Variants in GJA1 observed in about 807,000 individuals in gnomAD.
GJA1 encodes the protein gap junction protein alpha 1, also known as gap junction alpha-1 protein.
A neutral mutation model predicts 31.0 loss-of-function variants in GJA1; 9 were observed. That is an observed-to-expected ratio of 0.29 (90% CI 0.17 to 0.51). The LOEUF (loss-of-function observed/expected upper bound fraction) is 0.51, where lower values mean the gene tolerates loss of function less well. Ranked by LOEUF, GJA1 falls within the 20% of genes least tolerant of loss-of-function variation. GJA1 has a pLI of 0.98. For synonymous variants in GJA1, 186 were observed against 180.1 expected (o/e 1.03, Z -0.26); for missense variants, 278 against 468.8 (o/e 0.59, Z 3.76).
chr6:121,445,916 A>G (rs987344255), intron 1 of GJA1, among the ~76,000 whole-genome samples: 1 of 152,008 alleles, frequency 6.6e-6, no homozygotes, highest in African/African-American at 2.4e-5. Flanking sequence ...CAACATAGTG[A>G]AATCCTATCT....
At chr6:121,442,857 G>GAC (rs1562172641) in intron 1 of GJA1, among the ~76,000 whole-genome samples, 1 of 152,144 alleles carries the variant, frequency 6.6e-6, no homozygotes, top group East Asian at 1.9e-4. Context: ...ATGGTGCATA[G>GAC]ACGGCAAAAA....
Position 121,448,258 on chromosome 6 carries a change from G to GT in GJA1, c.*264dup. Reference sequence around the variant, plus strand: ...CAAAGAACTTAGATTATAAATAAGAGTTCCATTAGGTGATACATAGATAAG... The same window carrying GT: ...CAAAGAACTTAGATTATAAATAAGAGTTTCCATTAGGTGATACATAGATAAG... On this transcript the variant is annotated 3_prime_UTR_variant, in exon 2 of 2. Coordinates refer to ENST00000282561, the MANE Select transcript of GJA1 (RefSeq NM_000165.5). 1.9e-6 allele frequency: 1 copy of GT among 532,582 alleles called. No individual in the cohort carries two copies. The highest frequency in any genetic ancestry group is 3.5e-6 in the Non-Finnish European group (1 of 286,562). 33.0% of individuals were successfully genotyped at this position (532,582 alleles called of 1,614,324 possible).
In GJA1 at chr6:121,448,246, T is replaced by A. The variant is rs1773923783; in HGVS notation, c.*250T>A. 2 of 559,408 alleles carry A rather than the reference T, an allele frequency of 3.6e-6. No homozygotes were observed. The highest frequency in any genetic ancestry group is 6.2e-5 in the Admixed American group (2 of 32,270). The allele number at this position is 559,408 out of a possible 1,614,324, so 34.7% of individuals were successfully genotyped here. A position where few individuals can be genotyped will look rare whatever the true frequency, so the allele number is the denominator to read the frequency against. The stretch of plus-strand genomic sequence containing the variant: ...AAGTAGTGGATTCAAAGAACTTAGA[T>A]TATAAATAAGAGTTCCATTAGGTGA... On this transcript the variant is annotated 3_prime_UTR_variant, in exon 2 of 2. Transcript: ENST00000282561.
rs150114998 is a variant in GJA1, at chr6:121,436,754, C to G, written c.-17+922C>G. On this transcript the variant is annotated intron_variant, in intron 1 of 1. Transcript: ENST00000282561. The stretch of plus-strand genomic sequence containing the variant: ...GCTTTGGGAGCTCCCCCCGCCAACA[C>G]CCGCCGCCCCGCACCTTCCCTCTGC... Among the ~76,000 whole-genome samples the G allele has an allele frequency of 5.2e-3, 792 of 152,312 alleles. 7 individuals carry two copies. The highest frequency in any genetic ancestry group is 0.018 in the African/African-American group (758 of 41,566).
In GJA1 at chr6:121,447,599, G is replaced by C; in HGVS notation, c.752G>C (p.Ser251Thr). 1 of 1,613,848 alleles carries C rather than the reference G, an allele frequency of 6.2e-7. No homozygotes were observed. Among genetic ancestry groups the C allele is most frequent in the Non-Finnish European group, 8.5e-7 (1 of 1,179,982 alleles). The change falls in exon 2 of 2, where the codon AGT (serine) becomes ACT (threonine). Residue 251 changes from serine to threonine, a missense_variant. Ser to Thr is a moderately conservative substitution (Grantham distance 58, BLOSUM62 1). Transcript: ENST00000282561. ...AAGAGCGACCCTTACCATGCGACCA[G>C]TGGTGCGCTGAGCCCTGCCAAAGAC... ...KGKSDPYHAT[S>T]GALSPAKDCG...
chr6:121,439,195 TAAAGA>T (rs1785170112), intron 1 of GJA1, among the ~76,000 whole-genome samples: 1 of 152,098 alleles, frequency 6.6e-6, no homozygotes, highest in Admixed American at 6.6e-5. Flanking sequence ...GCTGTTTTGC[TAAAGA>T]AAAGATGAAA....
chr6:121,436,460 G>A (rs935837576), intron 1 of GJA1, among the ~76,000 whole-genome samples: 14 of 152,154 alleles, frequency 9.2e-5, no homozygotes, highest in Middle Eastern at 3.2e-3. Context: ...AAATTCAAGA[G>A]TATTAATATT....
In GJA1 at chr6:121,446,901, A is replaced by T; in HGVS notation, c.54A>T (p.Ser18=). 6.2e-7 allele frequency: 1 copy of T among 1,614,004 alleles called. No homozygotes were observed. The highest frequency in any genetic ancestry group is 1.3e-5 in the African/African-American group (1 of 75,054). ...TCCTTGACAAGGTTCAAGCCTACTCAACTGCTGGAGGGAAGGTGTGGCTGT... is the reference window on the plus strand; with the variant it reads ...TCCTTGACAAGGTTCAAGCCTACTCTACTGCTGGAGGGAAGGTGTGGCTGT... ...GKLLDKVQAY[S]TAGGKVWLSV... The change falls in exon 2 of 2, where the codon TCA becomes TCT. Residue 18 remains serine, a synonymous_variant. Coordinates refer to ENST00000282561, the MANE Select transcript of GJA1 (RefSeq NM_000165.5).
At chr6:121,446,631 CAAACA>C (rs575409588) in intron 1 of GJA1, among the ~76,000 whole-genome samples, 196 bp from the exon 2 acceptor site, 85 of 152,306 alleles carry the variant, frequency 5.6e-4, no homozygotes, top group Middle Eastern at 3.4e-3. Flanking sequence ...TTTGTCTCAA[CAAACA>C]AAACAAAACA....
chr6:121,442,028 G>T (rs1229507842), intron 1 of GJA1, among the ~76,000 whole-genome samples: 1 of 152,168 alleles, frequency 6.6e-6, no homozygotes, highest in Non-Finnish European at 1.5e-5. Context: ...TCCATTAAAT[G>T]ATTTTATCGG....
Position 121,447,365 on chromosome 6 carries a change from A to T in GJA1, c.518A>T (p.Gln173Leu). 6.2e-7 allele frequency: 1 copy of T among 1,614,118 alleles called. No individual in the cohort carries two copies. The highest frequency in any genetic ancestry group is 8.5e-7 in the Non-Finnish European group (1 of 1,179,992). Residue 173 changes from glutamine to leucine, a missense_variant, in exon 2 of 2, where the codon CAG (glutamine) becomes CTG (leucine). Coordinates refer to ENST00000282561, the MANE Select transcript of GJA1 (RefSeq NM_000165.5). ...TTTGAGGTGGCCTTCTTGCTGATCC[A>T]GTGGTACATCTATGGATTCAGCTTG... ...SIFEVAFLLI[Q>L]WYIYGFSLSA...
rs1198562586 is a variant in GJA1 at position 121,448,719 on chromosome 6, T to G, written c.*723T>G. 6.0e-6 allele frequency: 1 copy of G among 167,050 alleles called. No individual in the cohort carries two copies. Among genetic ancestry groups the G allele is most frequent in the Admixed American group, 6.5e-5 (1 of 15,294 alleles). 10.3% of individuals were successfully genotyped at this position (167,050 alleles called of 1,614,324 possible). A position where few individuals can be genotyped will look rare whatever the true frequency, so the allele number is the denominator to read the frequency against. ...CTACTACTCACATTCATTTAATGGT[T>G]TCTGTAAACATTTTTAAGACAGTTG... On this transcript the variant is annotated 3_prime_UTR_variant, in exon 2 of 2. Coordinates refer to ENST00000282561, the MANE Select transcript of GJA1 (RefSeq NM_000165.5).
chr6:121,444,445 C>G (rs1161268433), intron 1 of GJA1, among the ~76,000 whole-genome samples: 1 of 152,174 alleles, frequency 6.6e-6, no homozygotes, highest in African/African-American at 2.4e-5. Flanking sequence ...CATAGTTTAG[C>G]TTTATGGCTC....
At chr6:121,445,140 G>A (rs11961755) in intron 1 of GJA1, among the ~76,000 whole-genome samples, 34,340 of 152,094 alleles carry the variant, frequency 0.23, 4,113 homozygotes, top group Non-Finnish European at 0.26. Context: ...GGGGATTCTT[G>A]TTGGTTTCTA....
At chr6:121,443,615 TAAAG>T (rs1205578995) in intron 1 of GJA1, among the ~76,000 whole-genome samples, 1 of 152,212 alleles carries the variant, frequency 6.6e-6, no homozygotes, top group Non-Finnish European at 1.5e-5. Context: ...AGAATGTAAA[TAAAG>T]ACTATACTTT....
intron 1 of GJA1, among the ~76,000 whole-genome samples, chr6:121,444,809 T>C (rs567490090): frequency 3.3e-4 from 50 of 152,346 alleles, no homozygotes; most frequent in African/African-American, 1.2e-3. Flanking sequence ...TTCTAAATCC[T>C]CCAATTACTA....
intron 1 of GJA1, among the ~76,000 whole-genome samples, chr6:121,441,758 T>C (rs17083633): frequency 0.025 from 3,773 of 152,114 alleles, 207 homozygotes; most frequent in East Asian, 0.22. Flanking sequence ...ACTCGGAGTA[T>C]AGGTTGGCAA....
intron 1 of GJA1, among the ~76,000 whole-genome samples, chr6:121,442,640 C>T (rs887902345): frequency 6.6e-6 from 1 of 152,202 alleles, no homozygotes. Flanking sequence ...AAAAACCTTA[C>T]TTCCTAGGCC....
intron 1 of GJA1, among the ~76,000 whole-genome samples, chr6:121,439,355 G>A (rs747413236): frequency 7.2e-5 from 11 of 152,242 alleles, no homozygotes; most frequent in Admixed American, 2.0e-4. Context: ...CAATACACTT[G>A]TGAGGGCCCT....
Sources: allele counts gnomAD v4.1 joint callset (sites outside exome capture counted in the v4.1 genomes callset), GRCh38; gene constraint gnomAD v4.1.1; transcripts MANE v1.5; gene names NCBI Gene and HGNC (gene_info 2026-07-23, HGNC 2026-07-21).